PCDH15: variants seen among roughly 807,000 people sequenced by gnomAD.
PCDH15 encodes protocadherin related 15, also known as protocadherin-15.
A neutral mutation model predicts 178.5 loss-of-function variants in PCDH15; 129 were observed. That is an observed-to-expected ratio of 0.72 (90% confidence interval 0.63 to 0.84). The LOEUF (loss-of-function observed/expected upper bound fraction) is 0.84. PCDH15 is among the 40% of genes least tolerant of loss of function. PCDH15 has a pLI of 0.00. For synonymous variants in PCDH15, 800 were observed against 732.0 expected, an observed-to-expected ratio of 1.09 and a Z score of -1.50; for missense variants, 2,230 against 2,099.9, an observed-to-expected ratio of 1.06 and a Z score of -1.21.
chr10:54,276,358 G>A (rs114260702), intron 8 of PCDH15, among the ~76,000 whole-genome samples: 1,567 of 151,718 alleles, frequency 0.01, 26 homozygotes, highest in African/African-American at 0.035. Context: ...ATTCACAAAA[G>A]AGAAAATCCA....
In PCDH15 at chr10:55,512,217, T is replaced by C. The variant is rs138102752; in HGVS notation, c.-156+115408A>G. Among the ~76,000 whole-genome samples the C allele has an allele frequency of 1.1e-3, 167 of 152,230 alleles. 1 individual carries two copies. The highest frequency in any genetic ancestry group is 3.9e-3 in the African/African-American group (162 of 41,548). ...TAAATAATGTCTTGCTATAAAAAGTTTGAGAATAGTTAAACCCTGTTAGAC... is the reference window on the plus strand; with the variant it reads ...TAAATAATGTCTTGCTATAAAAAGTCTGAGAATAGTTAAACCCTGTTAGAC... On this transcript the variant is annotated intron_variant, in intron 2 of 5. Transcript: ENST00000613346.
intron 29 of PCDH15, among the ~76,000 whole-genome samples, chr10:53,832,807 T>C (rs2077088241): frequency 6.6e-6 from 1 of 152,034 alleles, no homozygotes; most frequent in South Asian, 2.1e-4. Flanking sequence ...CCATGCTGAT[T>C]TTAAATCCCG....
intron 3 of PCDH15, among the ~76,000 whole-genome samples, chr10:54,383,256 G>A (rs1949456509): frequency 6.6e-6 from 1 of 151,794 alleles, no homozygotes; most frequent in African/African-American, 2.4e-5. Context: ...AAAAGACTAT[G>A]TATGCATATG....
chr10:54,433,441 A>T (rs532951122), intron 3 of PCDH15, among the ~76,000 whole-genome samples: 4 of 152,284 alleles, frequency 2.6e-5, no homozygotes, highest in South Asian at 2.1e-4. Context: ...TCATTATGCT[A>T]AGTGAAATAA....
At chr10:54,205,481 T>TGTG in intron 10 of PCDH15, among the ~76,000 whole-genome samples, 1 of 135,174 alleles carries the variant, frequency 7.4e-6, no homozygotes. Context: ...TATATTTCCT[T>TGTG]TGTGTGTGTG....
intron 2 of PCDH15, among the ~76,000 whole-genome samples, chr10:54,981,525 C>G (rs1226756534): frequency 6.6e-6 from 1 of 152,124 alleles, no homozygotes; most frequent in Non-Finnish European, 1.5e-5. Flanking sequence ...ATGAAAATTT[C>G]TAAATGGTAG....
At chr10:55,170,270 C>A (rs1839297945) in intron 1 of PCDH15, among the ~76,000 whole-genome samples, 1 of 151,926 alleles carries the variant, frequency 6.6e-6, no homozygotes, top group Non-Finnish European at 1.5e-5. Context: ...CTGCCTCAGC[C>A]CCCCAGGTAG....
At chr10:53,992,051 A>G (rs561358062) in intron 21 of PCDH15, among the ~76,000 whole-genome samples, 69 of 151,908 alleles carry the variant, frequency 4.5e-4, no homozygotes, top group African/African-American at 1.6e-3. Context: ...TGCCTTTATG[A>G]GCTGTAACAC....
intron 3 of PCDH15, among the ~76,000 whole-genome samples, chr10:54,865,928 G>C (rs1454473): frequency 0.24 from 36,827 of 152,056 alleles, 4,746 homozygotes; most frequent in African/African-American, 0.31. Flanking sequence ...AATTTGGGCA[G>C]AACAATAATA....
At chr10:55,563,671 T>C (rs1434216151) in intron 2 of PCDH15, among the ~76,000 whole-genome samples, 2 of 150,276 alleles carry the variant, frequency 1.3e-5, no homozygotes, top group African/African-American at 2.4e-5. Flanking sequence ...ATGGTAGATC[T>C]ACTACATAAA....
chr10:55,419,427 G>A (rs749088508), intron 2 of PCDH15, among the ~76,000 whole-genome samples: 1 of 151,740 alleles, frequency 6.6e-6, no homozygotes, highest in Non-Finnish European at 1.5e-5. Context: ...TAGGTGATGT[G>A]AACTGTAACA....
rs1245657546 is a variant in PCDH15, at chr10:54,829,350, CAAT to C, written c.-29+68097_-29+68099del. 5.3e-5 allele frequency among the ~76,000 whole-genome samples: 8 copies of C among 151,620 alleles called. No homozygotes were observed. The Admixed American group carries it at 5.3e-4, about 10-fold the overall frequency. On this transcript the variant is annotated intron_variant, in intron 3 of 5. Coordinates refer to the PCDH15 transcript ENST00000458638. Reference sequence around the variant, plus strand: ...ATGCTGCTACTACTACTACTACTACCAATAATAATAATATCAACAAAAAGGCCA... The same window carrying C: ...ATGCTGCTACTACTACTACTACTACCAATAATAATATCAACAAAAAGGCCA...
chr10:55,499,404 TACACACACACACAC>T (rs200878607), intron 2 of PCDH15, among the ~76,000 whole-genome samples: 1,393 of 136,380 alleles, frequency 0.01, 22 homozygotes, highest in African/African-American at 0.034. Context: ...AGACTCTCCC[TACACACACACACAC>T]ACACACACAC....
intron 9 of PCDH15, among the ~76,000 whole-genome samples, chr10:54,230,546 C>CA (rs148168513): frequency 0.027 from 4,070 of 151,998 alleles, 101 homozygotes; most frequent in African/African-American, 0.07. Context: ...GAGGAAGGGA[C>CA]AAAAAATGTG....
chr10:55,579,415 C>T (rs567767416), intron 2 of PCDH15, among the ~76,000 whole-genome samples: 1 of 152,266 alleles, frequency 6.6e-6, no homozygotes, highest in South Asian at 2.1e-4. Context: ...CATACTCTCC[C>T]TTGGATCACC....
chr10:54,585,556 A>G, intron 2 of PCDH15: 1 of 230,996 alleles, frequency 4.3e-6, no homozygotes, highest in Non-Finnish European at 9.2e-6. Flanking sequence ...AGGCTAACCA[A>G]TAGTTAACAA....
At chr10:55,518,315 T>G (rs1471849862) in intron 2 of PCDH15, among the ~76,000 whole-genome samples, 2 of 152,128 alleles carry the variant, frequency 1.3e-5, no homozygotes, top group Non-Finnish European at 2.9e-5. Flanking sequence ...TCCTTGCTAC[T>G]TTAACTCATG....
intron 5 of PCDH15, among the ~76,000 whole-genome samples, chr10:54,359,598 T>G (rs1945667336): frequency 6.6e-6 from 1 of 152,038 alleles, no homozygotes; most frequent in Non-Finnish European, 1.5e-5. Context: ...TAGCTTTACT[T>G]CTATTACATT....
chr10:55,607,320 C>A (rs1843245122), intron 2 of PCDH15, among the ~76,000 whole-genome samples: 1 of 150,416 alleles, frequency 6.6e-6, no homozygotes, highest in Non-Finnish European at 1.5e-5. Context: ...CTAGTTCAAC[C>A]ATTGTGGAAG....
Sources: allele counts gnomAD v4.1 joint callset (sites outside exome capture counted in the v4.1 genomes callset), GRCh38; gene constraint gnomAD v4.1.1; transcripts MANE v1.5; gene names NCBI Gene and HGNC (gene_info 2026-07-23, HGNC 2026-07-21).